The following CDYL2 variants were observed in gnomAD, a reference collection of about 807,000 sequenced individuals.
The protein encoded by CDYL2 is chromodomain Y like 2.
Under a neutral mutation model 49.4 loss-of-function variants are expected in CDYL2, and 23 were observed. The observed-to-expected ratio is 0.47, with a 90% CI of 0.34 to 0.66. CDYL2 has a LOEUF of 0.66. CDYL2 is among the 30% of genes least tolerant of loss of function. The probability of loss-of-function intolerance (pLI) is 0.01; values close to 1 mark genes in which losing one functional copy is unlikely to be tolerated. For missense variants in CDYL2, 678 were observed against 656.4 expected (o/e 1.03, Z -0.36); for synonymous variants, 360 against 268.8 (o/e 1.34, Z -3.32).
intron 1 of CDYL2, among the ~76,000 whole-genome samples, chr16:80,783,431 TG>T (rs1281425167): frequency 6.6e-6 from 1 of 151,974 alleles, no homozygotes; most frequent in African/African-American, 2.4e-5. Context: ...AAATGGAAAA[TG>T]GTTTGGAAGT....
At chr16:80,776,194 T>C (rs927979905) in intron 1 of CDYL2, among the ~76,000 whole-genome samples, 4 of 152,118 alleles carry the variant, frequency 2.6e-5, no homozygotes, top group Non-Finnish European at 5.9e-5. Context: ...ATAATGAAAC[T>C]TCTGCAGTTT....
At chr16:80,771,138 T>C (rs990820589) in intron 1 of CDYL2, among the ~76,000 whole-genome samples, 1 of 152,226 alleles carries the variant, frequency 6.6e-6, no homozygotes, top group Admixed American at 6.5e-5. Flanking sequence ...GATCCTATAT[T>C]TCTCCACTGT....
At chr16:80,780,134 A>G (rs931578217) in intron 1 of CDYL2, among the ~76,000 whole-genome samples, 13 of 152,172 alleles carry the variant, frequency 8.5e-5, no homozygotes, top group African/African-American at 3.1e-4. Flanking sequence ...TTTTTTAATC[A>G]TGAAAAATAA....
chr16:80,751,918 C>G (rs1906150692), intron 1 of CDYL2, among the ~76,000 whole-genome samples: 1 of 152,134 alleles, frequency 6.6e-6, no homozygotes, highest in Non-Finnish European at 1.5e-5. Flanking sequence ...AGGAGATGGG[C>G]TGAGTGAATA....
intron 1 of CDYL2, among the ~76,000 whole-genome samples, chr16:80,723,618 G>C (rs1401282851): frequency 6.6e-6 from 1 of 152,162 alleles, no homozygotes; most frequent in Non-Finnish European, 1.5e-5. Context: ...GATAAAGTCA[G>C]CAAACCATAG....
intron 2 of CDYL2, among the ~76,000 whole-genome samples, chr16:80,647,380 G>C (rs1435701636): frequency 6.6e-6 from 1 of 152,092 alleles, no homozygotes; most frequent in Non-Finnish European, 1.5e-5. Context: ...AACTGTGAAA[G>C]ACCCAGAATA....
At chr16:80,801,387 A>T (rs1261222677) in intron 1 of CDYL2, among the ~76,000 whole-genome samples, 4 of 152,250 alleles carry the variant, frequency 2.6e-5, no homozygotes, top group Admixed American at 6.5e-5. Context: ...GTCTTTAAAA[A>T]TCAGCACCTA....
At chr16:80,800,719 G>T (rs577838834) in intron 1 of CDYL2, among the ~76,000 whole-genome samples, 2 of 151,884 alleles carry the variant, frequency 1.3e-5, no homozygotes, top group Non-Finnish European at 2.9e-5. Flanking sequence ...GACAACGAAG[G>T]TCACACAAGG....
intron 6 of CDYL2, among the ~76,000 whole-genome samples, chr16:80,605,568 A>T (rs1906295236): frequency 6.6e-6 from 1 of 150,656 alleles, no homozygotes; most frequent in Admixed American, 6.6e-5. Flanking sequence ...CAATAATCAT[A>T]GTAACAATAG....
intron 1 of CDYL2, among the ~76,000 whole-genome samples, chr16:80,776,276 A>T (rs1389709110): frequency 6.6e-6 from 1 of 152,156 alleles, no homozygotes; most frequent in African/African-American, 2.4e-5. Context: ...CTAGAAAATT[A>T]AAAACAAATT....
chr16:80,669,740 T>C (rs1167573062), intron 2 of CDYL2, among the ~76,000 whole-genome samples: 2 of 152,340 alleles, frequency 1.3e-5, no homozygotes, highest in East Asian at 3.9e-4. Flanking sequence ...CCTCCCTGCA[T>C]GGTCGCTGCA....
At chr16:80,782,874 A>G (rs1359564124) in intron 1 of CDYL2, among the ~76,000 whole-genome samples, 1 of 152,198 alleles carries the variant, frequency 6.6e-6, no homozygotes, top group Non-Finnish European at 1.5e-5. Context: ...GATAATTAAG[A>G]AAACGCACAG....
intron 1 of CDYL2, among the ~76,000 whole-genome samples, chr16:80,712,213 A>ATATATATATATATG (rs1567581146): frequency 9.3e-6 from 1 of 107,440 alleles, no homozygotes; most frequent in Non-Finnish European, 2.4e-5. Flanking sequence ...ATATATATAT[A>ATATATATATATATG]TATCTCCAAA....
chr16:80,760,021 G>C (rs562372974), intron 1 of CDYL2, among the ~76,000 whole-genome samples: 12 of 152,300 alleles, frequency 7.9e-5, no homozygotes, highest in African/African-American at 2.6e-4. Context: ...ACCCCAGTTT[G>C]AAACTATATT....
At chr16:80,794,056 A>T (rs1180315061) in intron 1 of CDYL2, among the ~76,000 whole-genome samples, 1 of 152,212 alleles carries the variant, frequency 6.6e-6, no homozygotes, top group Non-Finnish European at 1.5e-5. Flanking sequence ...TTGATCCTGA[A>T]GTTTGAAATC....
chr16:80,767,500 C>A (rs185107933), intron 1 of CDYL2, among the ~76,000 whole-genome samples: 1 of 152,072 alleles, frequency 6.6e-6, no homozygotes, highest in East Asian at 1.9e-4. Flanking sequence ...ACTTCATTTA[C>A]GAAAAATGAA....
intron 1 of CDYL2, among the ~76,000 whole-genome samples, chr16:80,696,800 G>C (rs921807179): frequency 6.6e-6 from 1 of 151,982 alleles, no homozygotes; most frequent in Admixed American, 6.5e-5. Flanking sequence ...TTTAAAGAAG[G>C]ACTCTAAAAC....
intron 1 of CDYL2, among the ~76,000 whole-genome samples, chr16:80,705,530 G>C (rs1475630590): frequency 6.6e-6 from 1 of 152,234 alleles, no homozygotes; most frequent in Non-Finnish European, 1.5e-5. Context: ...ACGCAGGCAG[G>C]TCCCCTGGCA....
At chr16:80,778,658 G>A (rs967757713) in intron 1 of CDYL2, among the ~76,000 whole-genome samples, 18 of 151,938 alleles carry the variant, frequency 1.2e-4, no homozygotes, top group Admixed American at 8.5e-4. Flanking sequence ...CCAAAGTTAC[G>A]TATAAGTTTA....
Sources: allele counts gnomAD v4.1 joint callset (sites outside exome capture counted in the v4.1 genomes callset), GRCh38; gene constraint gnomAD v4.1.1; transcripts MANE v1.5; gene names NCBI Gene and HGNC (gene_info 2026-07-23, HGNC 2026-07-21).